Variants in DLG2 observed in about 807,000 individuals in gnomAD.
DLG2 encodes discs large MAGUK scaffold protein 2.
A neutral mutation model predicts 132.5 loss-of-function variants in DLG2; 45 were observed. That is an observed-to-expected ratio of 0.34 (90% confidence interval 0.27 to 0.44). The LOEUF is 0.44. Among genes scored for constraint, DLG2 ranks in the 20% least tolerant of loss-of-function variants. The probability of loss-of-function intolerance (pLI) is 1.00; values close to 1 mark genes in which losing one functional copy is unlikely to be tolerated. For missense variants in DLG2, 1,045 were observed against 1,196.9 expected, an observed-to-expected ratio of 0.87 and a Z score of 1.87; for synonymous variants, 424 against 419.6, an observed-to-expected ratio of 1.01 and a Z score of -0.13.
chr11:84,518,919 T>C (rs1483685750), intron 7 of DLG2, among the ~76,000 whole-genome samples: 1 of 152,172 alleles, frequency 6.6e-6, no homozygotes, highest in East Asian at 1.9e-4. Flanking sequence ...CAGACATTAA[T>C]ACTCAGACAC....
intron 10 of DLG2, among the ~76,000 whole-genome samples, chr11:84,085,522 T>A (rs2096964403): frequency 6.6e-6 from 1 of 152,156 alleles, no homozygotes; most frequent in Non-Finnish European, 1.5e-5. Context: ...CATTCTGAAC[T>A]TCTCAGGCTG....
In DLG2 at chr11:85,550,514, ACTGGTGCCG is replaced by A. The variant is rs146668582; in HGVS notation, c.40+48134_40+48142del. Among the ~76,000 whole-genome samples, 1,420 of 152,350 alleles carry A rather than the reference ACTGGTGCCG, an allele frequency of 9.3e-3. 18 individuals are homozygous for A. Among genetic ancestry groups the A allele is most frequent in the African/African-American group, 0.032 (1,340 of 41,592 alleles). ...AGTGGGGTTTGATCCCCCTGGTGCC[ACTGGTGCCG>A]CTGGTGCTGAAGTGCCTGGTGGATT... On this transcript the variant is annotated intron_variant, in intron 3 of 27. Coordinates refer to ENST00000376104, the MANE Select transcript of DLG2 (RefSeq NM_001142699.3).
chr11:84,835,493 A>G (rs2079630415), intron 6 of DLG2, among the ~76,000 whole-genome samples: 1 of 151,740 alleles, frequency 6.6e-6, no homozygotes, highest in Admixed American at 6.6e-5. Context: ...AAAGGTTAGC[A>G]TAATAACCAG....
chr11:83,587,316 G>T (rs1380513407), intron 19 of DLG2, among the ~76,000 whole-genome samples: 1 of 151,568 alleles, frequency 6.6e-6, no homozygotes, highest in South Asian at 2.1e-4. Flanking sequence ...TGTCACACAG[G>T]CTAGAGTACA....
chr11:85,377,152 C>T (rs559205831), intron 3 of DLG2, among the ~76,000 whole-genome samples: 8 of 152,212 alleles, frequency 5.3e-5, no homozygotes, highest in African/African-American at 1.7e-4. Context: ...TCAACTCTAC[C>T]ATCTGTCAAA....
chr11:84,462,833 A>T (rs2099084065), intron 7 of DLG2, among the ~76,000 whole-genome samples: 1 of 151,190 alleles, frequency 6.6e-6, no homozygotes, highest in Non-Finnish European at 1.5e-5. Flanking sequence ...CAGTCTTTTA[A>T]GGAAAGGTTT....
intron 3 of DLG2, among the ~76,000 whole-genome samples, chr11:85,493,009 A>G (rs2153109103): frequency 6.6e-6 from 1 of 152,242 alleles, no homozygotes; most frequent in Middle Eastern, 3.4e-3. Context: ...CAAGCTATAA[A>G]AAAAAAAGAG....
chr11:84,901,614 A>T (rs2090898742), intron 6 of DLG2, among the ~76,000 whole-genome samples: 1 of 152,100 alleles, frequency 6.6e-6, no homozygotes, highest in Non-Finnish European at 1.5e-5. Context: ...TCAGAATAAG[A>T]GAGTTAACTA....
intron 7 of DLG2, among the ~76,000 whole-genome samples, chr11:84,416,235 TAGAG>T (rs1217098998): frequency 3.3e-5 from 5 of 152,226 alleles, no homozygotes; most frequent in Admixed American, 2.0e-4. Context: ...CTGAGTAACT[TAGAG>T]AGAGAGAAAG....
chr11:83,972,768 A>G (rs988401042), intron 12 of DLG2, among the ~76,000 whole-genome samples: 3 of 152,092 alleles, frequency 2.0e-5, no homozygotes, highest in African/African-American at 7.2e-5. Context: ...TAAAGCAATA[A>G]GAATGAAGGT....
chr11:83,854,736 A>G (rs1484113363), intron 16 of DLG2, among the ~76,000 whole-genome samples: 1 of 152,142 alleles, frequency 6.6e-6, no homozygotes, highest in East Asian at 1.9e-4. Flanking sequence ...TGAAAGAAAG[A>G]ACTGATAAGC....
At chr11:84,649,752 T>C (rs1197433916) in intron 6 of DLG2, among the ~76,000 whole-genome samples, 1 of 152,208 alleles carries the variant, frequency 6.6e-6, no homozygotes, top group Non-Finnish European at 1.5e-5. Context: ...CTTTGATTCC[T>C]CTGAGACTGC....
At chr11:85,299,922 A>G (rs1170216841) in intron 3 of DLG2, among the ~76,000 whole-genome samples, 22 of 152,206 alleles carry the variant, frequency 1.4e-4, no homozygotes, top group Non-Finnish European at 5.9e-5. Context: ...CACATACATT[A>G]TCTTCTTTGC....
At chr11:83,750,745 A>G (rs552046072) in intron 18 of DLG2, among the ~76,000 whole-genome samples, 30 of 152,336 alleles carry the variant, frequency 2.0e-4, no homozygotes, top group Non-Finnish European at 4.0e-4. Context: ...AACATATAGA[A>G]TAAAAAATAA....
At chr11:84,522,671 A>T (rs1034649322) in intron 7 of DLG2, among the ~76,000 whole-genome samples, 2 of 152,136 alleles carry the variant, frequency 1.3e-5, no homozygotes, top group Non-Finnish European at 2.9e-5. Context: ...CTTCTCTACC[A>T]TGTTTTCTTG....
chr11:84,056,220 C>G (rs1566254696), intron 11 of DLG2, among the ~76,000 whole-genome samples: 1 of 152,084 alleles, frequency 6.6e-6, no homozygotes, highest in Non-Finnish European at 1.5e-5. Flanking sequence ...GCTATCCCTC[C>G]CCTTCCCCAC....
chr11:84,363,378 T>G (rs982479808), intron 7 of DLG2, among the ~76,000 whole-genome samples: 10 of 151,908 alleles, frequency 6.6e-5, no homozygotes, highest in Non-Finnish European at 1.5e-4. Flanking sequence ...TCTTGTAAAT[T>G]TGTTTGAGTT....
chr11:83,961,889 C>T (rs754892366), intron 14 of DLG2, among the ~76,000 whole-genome samples: 33 of 151,968 alleles, frequency 2.2e-4, no homozygotes, highest in Admixed American at 3.9e-4. Flanking sequence ...ACATTTTCAG[C>T]GTCTAAACAT....
At chr11:83,957,537 C>A (rs1427201824) in intron 14 of DLG2, among the ~76,000 whole-genome samples, 3 of 146,196 alleles carry the variant, frequency 2.1e-5, no homozygotes, top group Non-Finnish European at 1.5e-5. Flanking sequence ...TCTCTCTACT[C>A]CACACAGCAG....
Sources: gnomAD v4.1 joint callset for allele counts (sites outside exome capture counted in the v4.1 genomes callset) on GRCh38, gnomAD v4.1.1 for gene constraint, MANE v1.5 for transcripts, NCBI Gene and HGNC (gene_info 2026-07-23, HGNC 2026-07-21) for gene names.